The following USP25 variants were observed in gnomAD, a reference collection of about 807,000 sequenced individuals.
USP25 encodes ubiquitin specific peptidase 25.
A neutral mutation model predicts 158.5 loss-of-function variants in USP25; 85 were observed. The observed-to-expected ratio is 0.54, with a 90% CI of 0.45 to 0.64. USP25 has a LOEUF of 0.64. USP25 is among the 30% of genes least tolerant of loss of function. The pLI is 0.00. For missense variants in USP25, 1,242 were observed against 1,327.3 expected, an observed-to-expected ratio of 0.94 and a Z score of 1.00; for synonymous variants, 464 against 460.4, an observed-to-expected ratio of 1.01 and a Z score of -0.10.
chr21:15,866,861 TA>T (rs2146570570), intron 22 of USP25, among the ~76,000 whole-genome samples: 1 of 152,284 alleles, frequency 6.6e-6, no homozygotes, highest in African/African-American at 2.4e-5. Context: ...GTAACCTGCC[TA>T]AGGTTTTCAC....
intron 19 of USP25, 125 bp downstream of exon 19, chr21:15,847,901 A>G (rs1416958046): frequency 6.4e-6 from 3 of 467,084 alleles, no homozygotes; most frequent in African/African-American, 1.9e-5. Flanking sequence ...TTGCCCCCTC[A>G]TAGTCCAAAA....
At chr21:15,868,511 T>C (rs1841890672) in intron 22 of USP25, among the ~76,000 whole-genome samples, 1 of 152,200 alleles carries the variant, frequency 6.6e-6, no homozygotes. Context: ...TAAAATCTTC[T>C]CATATTCTAA....
chr21:15,731,739 A>G (rs1007488826), intron 1 of USP25, among the ~76,000 whole-genome samples: 1 of 152,246 alleles, frequency 6.6e-6, no homozygotes, highest in Admixed American at 6.5e-5. Context: ...CAGTGAAATA[A>G]TTCAAGATTT....
At chr21:15,738,059 T>C (rs1466292649) in intron 1 of USP25, among the ~76,000 whole-genome samples, 1 of 152,188 alleles carries the variant, frequency 6.6e-6, no homozygotes, top group Non-Finnish European at 1.5e-5. Context: ...AAAAGTTCTT[T>C]TGTTATCCTT....
Position 15,831,538 on chromosome 21 carries a change from A to G in USP25, c.1902A>G (p.Glu634=). Residue 634 remains glutamate (E), a synonymous_variant, in exon 16 of 26, where the codon GAA becomes GAG. Coordinates refer to ENST00000400183, the MANE Select transcript of USP25 (RefSeq NM_001283041.3). ...NDIAVTKSSW[E]ELVRDSFGGY... Reference sequence around the variant, plus strand: ...TTGCTGTGACAAAATCATCATGGGAAGAGCTAGTGAGGGACTCTTTTGGTG... The same window carrying G: ...TTGCTGTGACAAAATCATCATGGGAGGAGCTAGTGAGGGACTCTTTTGGTG... The G allele has an allele frequency of 6.2e-7, 1 of 1,613,974 alleles. No individual in the cohort carries two copies. The highest frequency in any genetic ancestry group is 1.3e-5 in the African/African-American group (1 of 75,058).
rs2039820955 is a variant in USP25 at position 15,870,064 on chromosome 21, A to G, written c.2806-4A>G. 1 of 1,598,130 alleles carries G rather than the reference A, an allele frequency of 6.3e-7. No homozygotes were observed. The highest frequency in any genetic ancestry group is 2.3e-5 in the East Asian group (1 of 44,280). ...ACATTTTTAATATTTTCTTTCACCT[A>G]CAGGAGTGGCATCAGGATTATAGGA... On this transcript the variant is annotated splice_polypyrimidine_tract_variant and splice_region_variant and intron_variant, in intron 22 of 25. Transcript: ENST00000400183.
intron 24 of USP25, chr21:15,877,053 G>A (rs2040127035): frequency 6.6e-6 from 1 of 152,038 alleles, no homozygotes; most frequent in African/African-American, 2.4e-5. Context: ...TGTTTTTATA[G>A]ATAAGTTTTA....
intron 17 of USP25, among the ~76,000 whole-genome samples, chr21:15,839,819 A>G (rs1040145637): frequency 2.0e-5 from 3 of 152,224 alleles, no homozygotes; most frequent in Non-Finnish European, 2.9e-5. Context: ...TCTATTGCAT[A>G]TAGGAAATTT....
intron 9 of USP25, among the ~76,000 whole-genome samples, chr21:15,815,200 G>A (rs548033377): frequency 6.6e-6 from 1 of 152,118 alleles, no homozygotes; most frequent in African/African-American, 2.4e-5. Flanking sequence ...GTGAGGTTTG[G>A]GCACCTCCAC....
chr21:15,786,761 G>A (rs569402834), intron 4 of USP25, among the ~76,000 whole-genome samples: 239 of 152,150 alleles, frequency 1.6e-3, no homozygotes, highest in Non-Finnish European at 2.8e-3. Context: ...AGTACTGGAA[G>A]TCTTAGAGCA....
At chr21:15,874,257 A>G in intron 23 of USP25, 146 bp from the exon 24 acceptor site, 1 of 665,040 alleles carries the variant, frequency 1.5e-6, no homozygotes. Flanking sequence ...GGCGCTCTCA[A>G]GCATACACTG....
chr21:15,851,026 T>C (rs2038861180), intron 20 of USP25, among the ~76,000 whole-genome samples: 1 of 152,018 alleles, frequency 6.6e-6, no homozygotes, highest in East Asian at 1.9e-4. Flanking sequence ...TTAATACATT[T>C]CTTTATAGTT....
At chr21:15,762,533 G>T (rs1279902214) in intron 1 of USP25, among the ~76,000 whole-genome samples, 1 of 152,092 alleles carries the variant, frequency 6.6e-6, no homozygotes, top group Non-Finnish European at 1.5e-5. Flanking sequence ...TTTTCCAAAG[G>T]TGTTTCTCTC....
chr21:15,799,929 C>T (rs1422532791), intron 6 of USP25, 86 bp downstream of exon 6: 5 of 775,458 alleles, frequency 6.4e-6, no homozygotes, highest in African/African-American at 3.6e-5. Flanking sequence ...TTACTTGGCT[C>T]ATCAAATCTG....
chr21:15,857,195 G>A (rs974771407), intron 20 of USP25, among the ~76,000 whole-genome samples: 2 of 152,156 alleles, frequency 1.3e-5, no homozygotes, highest in Non-Finnish European at 2.9e-5. Context: ...GATAATTCAC[G>A]TGGAACTCTT....
rs1465830227 is a variant in USP25 at position 15,864,300 on chromosome 21, G to T, written c.2580G>T (p.Lys860Asn). ...AIKLEYARLV[K>N]LAQEDTPPET... The stretch of plus-strand genomic sequence containing the variant: ...AGTTGGAATATGCAAGGTTGGTTAA[G>T]TTGGCCCAAGAAGACACCCCACCAG... The change falls in exon 21 of 26, where the codon AAG becomes AAT. Residue 860 changes from lysine to asparagine, a missense_variant. Around this residue, in one of 3 missense-constraint regions of USP25, gnomAD observed 608 missense variants for 605.2 expected, o/e 1.00. Coordinates refer to ENST00000400183, the MANE Select transcript of USP25 (RefSeq NM_001283041.3). 6.2e-7 allele frequency: 1 copy of T among 1,609,314 alleles called. No homozygotes were observed. The highest frequency in any genetic ancestry group is 1.7e-5 in the Admixed American group (1 of 59,006).
chr21:15,815,006 G>A (rs887718164), intron 9 of USP25, among the ~76,000 whole-genome samples: 2 of 152,120 alleles, frequency 1.3e-5, no homozygotes, highest in African/African-American at 2.4e-5. Context: ...AAATAGTTTC[G>A]TGGGCTGCCC....
chr21:15,731,080 C>T (rs2030834688), intron 1 of USP25, among the ~76,000 whole-genome samples: 1 of 139,792 alleles, frequency 7.2e-6, no homozygotes, highest in South Asian at 2.3e-4. Flanking sequence ...TAAGTTTGAC[C>T]TTGTTCTTTC....
chr21:15,842,599 A>G (rs1244912026), intron 18 of USP25, 59 bp downstream of exon 18: 1 of 1,586,172 alleles, frequency 6.3e-7, no homozygotes, highest in Admixed American at 1.7e-5. Context: ...TTCCTCCAGT[A>G]TAGTGGAGAG....
Sources: allele counts gnomAD v4.1 joint callset (sites outside exome capture counted in the v4.1 genomes callset), GRCh38; gene constraint gnomAD v4.1.1; regional missense constraint gnomAD v4.1.1; transcripts MANE v1.5; gene names NCBI Gene and HGNC (gene_info 2026-07-23, HGNC 2026-07-21).